Variants in SLC28A3 observed in about 807,000 individuals in gnomAD.
SLC28A3 encodes concentrative Na(+)-nucleoside cotransporter 3.
SLC28A3 carries 68 observed loss-of-function variants against 84.2 expected under a neutral mutation model. The observed-to-expected ratio is 0.81, with a 90% confidence interval of 0.66 to 0.99. The LOEUF (loss-of-function observed/expected upper bound fraction) is 0.99. SLC28A3 is among the 50% of genes least tolerant of loss of function. The probability of loss-of-function intolerance (pLI) is 0.00; values close to 1 mark genes in which losing one functional copy is unlikely to be tolerated. For synonymous variants in SLC28A3, 267 were observed against 303.6 expected (o/e 0.88, Z 1.25); for missense variants, 712 against 841.5 (o/e 0.85, Z 1.90).
At position 84,278,009 on chromosome 9, in the gene SLC28A3, T is replaced by G; in HGVS notation, c.*209A>C. 1.7e-6 allele frequency: 1 copy of G among 577,372 alleles called. No homozygotes were observed. The highest frequency in any genetic ancestry group is 2.6e-5 in the South Asian group (1 of 38,172). The allele number at this position is 577,372 out of a possible 1,614,324, so 35.8% of individuals were successfully genotyped here. On this transcript the variant is annotated 3_prime_UTR_variant, in exon 18 of 18. Coordinates refer to ENST00000376238, the MANE Select transcript of SLC28A3 (RefSeq NM_001199633.2). ...TCACTTTGGGACATCATAGCAGTTC[T>G]TGGTGGGGAAGGGGCTGGTGGGGAG...
At chr9:84,338,363 A>G (rs932201581) in intron 1 of SLC28A3, among the ~76,000 whole-genome samples, 17 of 152,382 alleles carry the variant, frequency 1.1e-4, no homozygotes, top group Admixed American at 9.8e-4. Context: ...CTGAATGTCA[A>G]ACAAGGTAAG....
At chr9:84,320,873 G>A (rs541150873) in intron 1 of SLC28A3, among the ~76,000 whole-genome samples, 9 of 151,718 alleles carry the variant, frequency 5.9e-5, no homozygotes, top group Non-Finnish European at 1.0e-4. Context: ...GGCTGAGGCA[G>A]GAGAATTGCT....
intron 1 of SLC28A3, among the ~76,000 whole-genome samples, chr9:84,333,678 T>A (rs1231203454): frequency 1.3e-5 from 2 of 152,166 alleles, no homozygotes; most frequent in African/African-American, 4.8e-5. Flanking sequence ...GAAATGGGAA[T>A]ACTCACTCTG....
intron 10 of SLC28A3, among the ~76,000 whole-genome samples, chr9:84,291,725 G>A (rs1825231137): frequency 1.3e-5 from 2 of 152,228 alleles, no homozygotes; most frequent in South Asian, 4.1e-4. Flanking sequence ...GTAAGCCTGG[G>A]ATTTGGGGCT....
chr9:84,313,443 G>T lies in SLC28A3; in HGVS notation c.72C>A (p.Asn24Lys). 2.5e-6 allele frequency: 4 copies of T among 1,613,608 alleles called. No homozygotes were observed. Among genetic ancestry groups the T allele is most frequent in the Non-Finnish European group, 3.4e-6 (4 of 1,179,852 alleles). The stretch of plus-strand genomic sequence containing the variant: ...CTGATGTGTTCTCGTTCTCAAGAAA[G>T]TTTTCTTCATTCTAAGAAAAAAGTG... ...YSNVGFQNEE[N>K]FLENENTSGN... is the part of the protein sequence containing the mutation. Residue 24 changes from asparagine to lysine, a missense_variant, in exon 2 of 18, where the codon AAC (asparagine) becomes AAA (lysine). Physicochemically the swap from Asn to Lys is moderately conservative, Grantham distance 94. Coordinates refer to ENST00000376238, the MANE Select transcript of SLC28A3 (RefSeq NM_001199633.2).
chr9:84,303,212 C>T (rs1825688207), intron 4 of SLC28A3, among the ~76,000 whole-genome samples: 1 of 152,064 alleles, frequency 6.6e-6, no homozygotes, highest in Non-Finnish European at 1.5e-5. Flanking sequence ...GAATTCCTTC[C>T]TAAGGAGTCA....
intron 8 of SLC28A3, among the ~76,000 whole-genome samples, chr9:84,295,482 G>A (rs1825379454): frequency 6.6e-6 from 1 of 152,138 alleles, no homozygotes. Context: ...CTACTGGGGA[G>A]GCTGAGGCAG....
chr9:84,332,100 A>C (rs999019366), intron 1 of SLC28A3, among the ~76,000 whole-genome samples: 1 of 152,224 alleles, frequency 6.6e-6, no homozygotes, highest in Non-Finnish European at 1.5e-5. Flanking sequence ...TTCAGGGGGA[A>C]TAGAGATCCT....
upstream of SLC28A3, among the ~76,000 whole-genome samples, chr9:84,340,978 CT>C (rs112943506): frequency 7.3e-4 from 109 of 149,170 alleles, no homozygotes; most frequent in African/African-American, 2.4e-3. Context: ...TTCTTTCTTT[CT>C]TTCTTTTTTT....
intron 11 of SLC28A3, 23 bp from the exon 12 acceptor site, chr9:84,288,201 G>A: frequency 1.2e-6 from 2 of 1,613,406 alleles, no homozygotes; most frequent in South Asian, 2.2e-5. Flanking sequence ...AAGAAAGAAG[G>A]CAAACCTGGG....
chr9:84,330,257 C>T lies in SLC28A3; in HGVS notation c.60+10317G>A, dbSNP rs192560010. Among the ~76,000 whole-genome samples, 13 of 151,446 alleles carry T rather than the reference C, an allele frequency of 8.6e-5. No homozygotes were observed. In the East Asian group the frequency reaches 2.5e-3, roughly 29 times the overall value. ...AGGAAATGTCAAGGAAAAAAGAAACCAAGGAAAAAAAAGAGAGAAGACAAA... is the reference window on the plus strand; with the variant it reads ...AGGAAATGTCAAGGAAAAAAGAAACTAAGGAAAAAAAAGAGAGAAGACAAA... On this transcript the variant is annotated intron_variant, in intron 1 of 17. Transcript: ENST00000376238.
In SLC28A3 at chr9:84,278,096, C is replaced by T; in HGVS notation, c.*122G>A. The T allele has an allele frequency of 7.7e-7, 1 of 1,298,502 alleles. No homozygotes were observed. Among genetic ancestry groups the T allele is most frequent in the East Asian group, 2.4e-5 (1 of 41,872 alleles). The allele number at this position is 1,298,502 out of a possible 1,614,324, so 80.4% of individuals were successfully genotyped here. On this transcript the variant is annotated 3_prime_UTR_variant, in exon 18 of 18. Coordinates refer to ENST00000376238, the MANE Select transcript of SLC28A3 (RefSeq NM_001199633.2). ...CACTCTTGTTTTTCTTCATTCCTTGCAATTAAAGCTGATTCCATTATGGAA... is the reference window on the plus strand; with the variant it reads ...CACTCTTGTTTTTCTTCATTCCTTGTAATTAAAGCTGATTCCATTATGGAA...
chr9:84,356,667 T>C, the SLC28A3 span, among the ~76,000 whole-genome samples: 1 of 151,986 alleles, frequency 6.6e-6, no homozygotes. Flanking sequence ...CCGTCTCTAC[T>C]AAAAATACAA....
the SLC28A3 span, among the ~76,000 whole-genome samples, chr9:84,351,882 GA>G: frequency 0.013 from 1,729 of 135,214 alleles, 20 homozygotes; most frequent in Non-Finnish European, 0.015. Context: ...AAGGGTTCAG[GA>G]AAAAAAAAAA....
intron 1 of SLC28A3, among the ~76,000 whole-genome samples, chr9:84,336,749 C>T (rs1318198226): frequency 2.0e-5 from 3 of 152,162 alleles, no homozygotes; most frequent in African/African-American, 7.2e-5. Flanking sequence ...ACGCAGAGGC[C>T]ACCTGACCTG....
At chr9:84,302,467 G>A (rs4877837) in intron 4 of SLC28A3, 78 bp from the exon 5 acceptor site, 245,462 of 1,426,968 alleles carry the variant, frequency 0.17, 21,835 homozygotes, top group African/African-American at 0.27. Context: ...TTGTTCTGGC[G>A]CAGGTGAGGG....
At chr9:84,285,612 A>G in intron 13 of SLC28A3, 70 bp from the exon 14 acceptor site, 1 of 1,498,564 alleles carries the variant, frequency 6.7e-7, no homozygotes, top group Middle Eastern at 1.9e-4. Flanking sequence ...CTCAGTGACA[A>G]CACTGTTCCT....
At chr9:84,279,172 C>CAAA (rs11309306) in intron 17 of SLC28A3, 93 bp downstream of exon 17, 1,186 of 947,544 alleles carry the variant, frequency 1.3e-3, no homozygotes, top group South Asian at 2.7e-3. Context: ...GACTCCGTCT[C>CAAA]AAAAAAAAAA....
chr9:84,361,078 G>A, the SLC28A3 span, among the ~76,000 whole-genome samples: 7 of 152,078 alleles, frequency 4.6e-5, no homozygotes, highest in South Asian at 2.1e-4. Flanking sequence ...GGGTGCGGTG[G>A]CTCAGGCCTG....
Sources: allele counts gnomAD v4.1 joint callset (sites outside exome capture counted in the v4.1 genomes callset), GRCh38; gene constraint gnomAD v4.1.1; transcripts MANE v1.5; gene names NCBI Gene and HGNC (gene_info 2026-07-23, HGNC 2026-07-21).